Variants in TOX2 observed in about 807,000 individuals in gnomAD.
TOX2 encodes the protein granulosa cell HMG box 1.
Under a neutral mutation model 47.4 loss-of-function variants are expected in TOX2, and 15 were observed. The observed-to-expected ratio is 0.32, with a 90% CI of 0.21 to 0.49. The LOEUF (loss-of-function observed/expected upper bound fraction) is 0.49, where lower values mean the gene tolerates loss of function less well. Among genes scored for constraint, TOX2 ranks in the 20% least tolerant of loss-of-function variants. The pLI, the probability that TOX2 is intolerant of heterozygous loss-of-function variation, is 0.99. For missense variants in TOX2, 622 were observed against 673.1 expected (o/e 0.92, Z 0.84); for synonymous variants, 290 against 296.6 (o/e 0.98, Z 0.23).
intron 2 of TOX2, among the ~76,000 whole-genome samples, chr20:43,988,165 G>A (rs1384866028): frequency 2.0e-5 from 3 of 151,952 alleles, no homozygotes; most frequent in Non-Finnish European, 4.4e-5. Context: ...TGATCTGCCC[G>A]CCTCGGCCTC....
chr20:43,992,324 A>G (rs1173063871), intron 2 of TOX2, among the ~76,000 whole-genome samples: 2 of 152,200 alleles, frequency 1.3e-5, no homozygotes, highest in Non-Finnish European at 2.9e-5. Context: ...CCAGGACAGC[A>G]TCAGGAGTGA....
intron 3 of TOX2, among the ~76,000 whole-genome samples, chr20:44,045,955 C>G (rs1018219307): frequency 6.6e-6 from 1 of 152,128 alleles, no homozygotes; most frequent in African/African-American, 2.4e-5. Flanking sequence ...GGTGAGAGTG[C>G]GTAAGCTATG....
intron 1 of TOX2, among the ~76,000 whole-genome samples, chr20:43,932,832 A>G (rs1001183752): frequency 6.0e-5 from 9 of 150,966 alleles, no homozygotes; most frequent in African/African-American, 2.2e-4. Context: ...CTAAGCAGAG[A>G]CATCAGTGGG....
intron 3 of TOX2, among the ~76,000 whole-genome samples, chr20:44,019,080 TTGACTGACTGAC>T (rs112089152): frequency 6.6e-5 from 10 of 152,114 alleles, no homozygotes; most frequent in Middle Eastern, 3.4e-3. Context: ...AAAAGGTTTG[TTGACTGACTGAC>T]TGACTGACTG....
chr20:43,967,705 C>T (rs1231716839), intron 1 of TOX2, among the ~76,000 whole-genome samples: 1 of 152,124 alleles, frequency 6.6e-6, no homozygotes, highest in Admixed American at 6.5e-5. Context: ...CATTAATAAA[C>T]CATTCATTAA....
intron 1 of TOX2, among the ~76,000 whole-genome samples, chr20:43,926,703 C>T (rs1305590848): frequency 6.6e-6 from 1 of 152,184 alleles, no homozygotes; most frequent in African/African-American, 2.4e-5. Flanking sequence ...TATCAGTTCC[C>T]TTCTTTCTCA....
At chr20:43,938,096 T>G (rs2069351444) in intron 1 of TOX2, among the ~76,000 whole-genome samples, 2 of 152,190 alleles carry the variant, frequency 1.3e-5, no homozygotes, top group South Asian at 4.1e-4. Flanking sequence ...CTAATGCTTG[T>G]GGACAATGCG....
intron 1 of TOX2, among the ~76,000 whole-genome samples, chr20:43,947,855 G>A (rs1445221186): frequency 6.6e-6 from 1 of 152,208 alleles, no homozygotes. Context: ...AGAGCCCCTG[G>A]CTGGGAAGGA....
At chr20:43,933,425 C>T (rs6093897) in intron 1 of TOX2, among the ~76,000 whole-genome samples, 11,771 of 152,218 alleles carry the variant, frequency 0.077, 988 homozygotes, top group East Asian at 0.21. Flanking sequence ...CTTGTGAGAA[C>T]GCAGATTCTG....
At chr20:43,950,352 C>A (rs926122940) in intron 1 of TOX2, among the ~76,000 whole-genome samples, 1 of 152,338 alleles carries the variant, frequency 6.6e-6, no homozygotes. Context: ...CGCCTGCCCT[C>A]GCTGGCTCCC....
chr20:43,930,958 G>A (rs775632021), intron 1 of TOX2, among the ~76,000 whole-genome samples: 2 of 152,104 alleles, frequency 1.3e-5, no homozygotes, highest in South Asian at 2.1e-4. Flanking sequence ...TATTCCTGAT[G>A]TTTATTGTTT....
chr20:43,954,944 C>T (rs1189315110), intron 1 of TOX2, among the ~76,000 whole-genome samples: 1 of 152,166 alleles, frequency 6.6e-6, no homozygotes, highest in African/African-American at 2.4e-5. Flanking sequence ...CACGTGACTC[C>T]TGGTGCTTGA....
At chr20:44,056,912 G>A (rs143894275) in intron 5 of TOX2, among the ~76,000 whole-genome samples, 13 of 151,992 alleles carry the variant, frequency 8.6e-5, no homozygotes, top group Non-Finnish European at 7.4e-5. Context: ...TGTCTCCTTT[G>A]TTATTTGTTT....
In TOX2 at chr20:43,950,396, G is replaced by A. The variant is rs183131673; in HGVS notation, c.100-22971G>A. ...GCATCAGATAAGGCCGGTGGAAAAA[G>A]TGCTGGCTTCCTCTTTCTGGGGAGG... is the stretch of plus-strand genomic sequence containing the variant. On this transcript the variant is annotated intron_variant, in intron 1 of 8. Transcript: ENST00000341197. 2.0e-5 allele frequency among the ~76,000 whole-genome samples: 3 copies of A among 152,306 alleles called. No individual in the cohort carries two copies. In the East Asian group the frequency reaches 5.8e-4, roughly 30 times the overall value.
At chr20:44,021,620 A>G (rs571377691) in intron 3 of TOX2, among the ~76,000 whole-genome samples, 7 of 152,110 alleles carry the variant, frequency 4.6e-5, no homozygotes, top group African/African-American at 1.7e-4. Flanking sequence ...TGTGCCCTGC[A>G]TGCTTCCACT....
chr20:44,053,070 C>T (rs1333464394), intron 4 of TOX2, among the ~76,000 whole-genome samples: 2 of 152,212 alleles, frequency 1.3e-5, no homozygotes, highest in African/African-American at 2.4e-5. Context: ...CTTCTTGGCT[C>T]CTAGAGCCAG....
chr20:43,948,377 A>G (rs562694294), intron 1 of TOX2, among the ~76,000 whole-genome samples: 1 of 152,220 alleles, frequency 6.6e-6, no homozygotes, highest in South Asian at 2.1e-4. Context: ...GATGGCTTCA[A>G]CCCCTGCTCT....
intron 1 of TOX2, among the ~76,000 whole-genome samples, chr20:43,967,271 G>C (rs766559065): frequency 1.4e-4 from 21 of 152,290 alleles, no homozygotes; most frequent in Admixed American, 3.9e-4. Context: ...ATGGGCAAAT[G>C]GGGGAGATAG....
At chr20:43,985,921 C>A (rs1295153978) in intron 2 of TOX2, among the ~76,000 whole-genome samples, 2 of 152,076 alleles carry the variant, frequency 1.3e-5, no homozygotes, top group Non-Finnish European at 2.9e-5. Context: ...GTGAGAGTGA[C>A]CCATGCACTT....
Sources: gnomAD v4.1 joint callset for allele counts (sites outside exome capture counted in the v4.1 genomes callset) on GRCh38, gnomAD v4.1.1 for gene constraint, MANE v1.5 for transcripts, NCBI Gene and HGNC (gene_info 2026-07-23, HGNC 2026-07-21) for gene names.